The following COL24A1 variants were observed in gnomAD, a reference collection of about 807,000 sequenced individuals.
COL24A1 encodes the protein collagen type XXIV alpha 1 chain, also known as collagen alpha-1(XXIV) chain.
Under a neutral mutation model 253.9 loss-of-function variants are expected in COL24A1, and 224 were observed. The ratio of observed to expected loss-of-function variants is 0.88; its 90% CI spans 0.79 to 0.99. COL24A1 has a LOEUF of 0.99. COL24A1 is among the 50% of genes least tolerant of loss of function. COL24A1 has a pLI of 0.00. For missense variants in COL24A1, 2,131 were observed against 2,068.5 expected (o/e 1.03, Z -0.59); for synonymous variants, 685 against 673.7 (o/e 1.02, Z -0.26).
At chr1:85,832,774 T>A (rs1303790232) in intron 43 of COL24A1, among the ~76,000 whole-genome samples, 18 of 150,934 alleles carry the variant, frequency 1.2e-4, no homozygotes, top group African/African-American at 4.2e-4. Context: ...GCACATTGAT[T>A]TTGTATCCTG....
chr1:86,076,473 AT>A (rs1371900232), intron 7 of COL24A1, among the ~76,000 whole-genome samples: 1 of 152,212 alleles, frequency 6.6e-6, no homozygotes, highest in Non-Finnish European at 1.5e-5. Context: ...GTCCCAAGTA[AT>A]TTATAGATTC....
At chr1:85,770,918 T>C (rs1001353215) in intron 53 of COL24A1, among the ~76,000 whole-genome samples, 10 of 152,320 alleles carry the variant, frequency 6.6e-5, no homozygotes, top group Admixed American at 3.9e-4. Context: ...ATAGTGGGTA[T>C]ATGCCTAAAG....
chr1:85,870,720 C>T (rs1680366017), intron 35 of COL24A1, among the ~76,000 whole-genome samples: 2 of 152,182 alleles, frequency 1.3e-5, no homozygotes, highest in Admixed American at 6.5e-5. Flanking sequence ...AAAGTTATAG[C>T]ACTAAATGCT....
intron 50 of COL24A1, among the ~76,000 whole-genome samples, 189 bp from the exon 51 acceptor site, chr1:85,783,747 G>A (rs925800445): frequency 6.6e-6 from 1 of 152,168 alleles, no homozygotes; most frequent in East Asian, 1.9e-4. Context: ...TGAAGGGAGA[G>A]AGGGATACGT....
rs930144613 is a variant in COL24A1, at chr1:85,887,580, T to G, written c.2976+1980A>C. Among the ~76,000 whole-genome samples, 5 of 152,102 alleles carry G rather than the reference T, an allele frequency of 3.3e-5. No homozygotes were observed. In the East Asian group the frequency reaches 9.6e-4, roughly 29 times the overall value. Reference sequence around the variant, plus strand: ...TGCTGTTATAGTATGAAAGCAGCCATCCATACATAAGGGAATCGTTGTGGC... The same window carrying G: ...TGCTGTTATAGTATGAAAGCAGCCAGCCATACATAAGGGAATCGTTGTGGC... On this transcript the variant is annotated intron_variant, in intron 32 of 59. Coordinates refer to ENST00000370571, the MANE Select transcript of COL24A1 (RefSeq NM_152890.7).
At chr1:86,055,897 CAGATCACA>C (rs1700627127) in intron 10 of COL24A1, among the ~76,000 whole-genome samples, 1 of 152,002 alleles carries the variant, frequency 6.6e-6, no homozygotes. Context: ...CTGAGGCAGG[CAGATCACA>C]AGGTCAGGAG....
chr1:85,872,122 G>A lies in COL24A1; in HGVS notation c.3138+2527C>T, dbSNP rs558362493. Among the ~76,000 whole-genome samples, 31 of 152,188 alleles carry A rather than the reference G, an allele frequency of 2.0e-4. 1 individual carries two copies. The South Asian group carries it at 6.2e-3, about 31-fold the overall frequency. ...GCTTCAAAGAGAATAAAATACCTAG[G>A]AATCCAGCTTACAAGGGATGTGAAG... On this transcript the variant is annotated intron_variant, in intron 35 of 59. Coordinates refer to ENST00000370571, the MANE Select transcript of COL24A1 (RefSeq NM_152890.7).
intron 2 of COL24A1, among the ~76,000 whole-genome samples, chr1:86,135,864 A>G (rs773685530): frequency 5.3e-5 from 8 of 151,958 alleles, no homozygotes; most frequent in Non-Finnish European, 1.0e-4. Flanking sequence ...TCCTTATTGT[A>G]TATTTCTACT....
intron 55 of COL24A1, among the ~76,000 whole-genome samples, chr1:85,746,562 A>G (rs903650173): frequency 1.3e-5 from 2 of 152,214 alleles, no homozygotes; most frequent in Non-Finnish European, 2.9e-5. Context: ...CTATGAAAGA[A>G]AAGTGCACGA....
intron 55 of COL24A1, among the ~76,000 whole-genome samples, chr1:85,755,545 A>G (rs967618925): frequency 2.6e-5 from 4 of 152,186 alleles, no homozygotes; most frequent in Admixed American, 2.0e-4. Flanking sequence ...AGAATGAAAT[A>G]TAATAGAGAG....
chr1:86,057,947 C>A lies in COL24A1; in HGVS notation c.1835G>T (p.Gly612Val), dbSNP rs1700780483. 1 of 1,613,010 alleles carries A rather than the reference C, an allele frequency of 6.2e-7. No homozygotes were observed. Among genetic ancestry groups the A allele is most frequent in the Non-Finnish European group, 8.5e-7 (1 of 1,179,392 alleles). ...CCTACTTACTTGTGCACCTTTAGGA[C>A]CTGGATTACCTTCTGGTCCAGCTAA... ...QGLAGPEGNP[G>V]PKGAQGFIGS... Residue 612 changes from glycine to valine, a missense_variant, in exon 10 of 60, where the codon GGT becomes GTT. By Grantham distance (109) the Gly-to-Val change is moderately radical. Transcript: ENST00000370571.
Position 85,823,574 on chromosome 1 carries a change from G to C in COL24A1, c.3751C>G (p.Gln1251Glu). 6.2e-7 allele frequency: 1 copy of C among 1,613,778 alleles called. No individual in the cohort carries two copies. Among genetic ancestry groups the C allele is most frequent in the South Asian group, 1.1e-5 (1 of 91,068 alleles). The change falls in exon 45 of 60, where the codon CAG becomes GAG. Residue 1251 changes from glutamine (Q) to glutamate (E), a missense_variant. Physicochemically the swap from Gln to Glu is conservative, Grantham distance 29. Coordinates refer to ENST00000370571, the MANE Select transcript of COL24A1 (RefSeq NM_152890.7). ...QQGPPGEPGD[Q>E]GEQGLKGERG... The stretch of plus-strand genomic sequence containing the variant: ...TCTCCTTTTAGTCCTTGTTCACCCT[G>C]GTCACCTGGTTCGCCCTTTAGTAGA...
chr1:85,834,571 C>T (rs1285403792), intron 43 of COL24A1, among the ~76,000 whole-genome samples: 2 of 152,092 alleles, frequency 1.3e-5, no homozygotes, highest in African/African-American at 4.8e-5. Context: ...TTAGTTATTT[C>T]ATTGTGTGTA....
intron 6 of COL24A1, among the ~76,000 whole-genome samples, chr1:86,090,180 T>C (rs1703394969): frequency 6.6e-6 from 1 of 152,166 alleles, no homozygotes. Context: ...ATTACTCTGA[T>C]AGAAGGAAGA....
chr1:85,803,914 T>C (rs141529644), intron 47 of COL24A1, among the ~76,000 whole-genome samples: 20 of 152,330 alleles, frequency 1.3e-4, no homozygotes, highest in South Asian at 4.1e-4. Flanking sequence ...CAGTACAATA[T>C]TGAATATGTC....
At chr1:85,766,278 G>T (rs889378827) in intron 53 of COL24A1, among the ~76,000 whole-genome samples, 1 of 148,916 alleles carries the variant, frequency 6.7e-6, no homozygotes, top group African/African-American at 2.5e-5. Context: ...GCTGAAGCAC[G>T]GGAATCACTT....
At chr1:86,070,172 A>G (rs1228969124) in intron 7 of COL24A1, among the ~76,000 whole-genome samples, 1 of 152,248 alleles carries the variant, frequency 6.6e-6, no homozygotes, top group East Asian at 1.9e-4. Context: ...CACAGTTGAA[A>G]AATACAACTG....
At chr1:85,889,216 T>A (rs555504285) in intron 32 of COL24A1, among the ~76,000 whole-genome samples, 64 of 152,204 alleles carry the variant, frequency 4.2e-4, no homozygotes, top group African/African-American at 1.5e-3. Flanking sequence ...TTATAGAAAT[T>A]GCCTCATAAA....
At position 86,050,119 on chromosome 1, in the gene COL24A1, C is replaced by T; in HGVS notation, c.1905+5G>A. 1 of 1,612,460 alleles carries T rather than the reference C, an allele frequency of 6.2e-7. No individual in the cohort carries two copies. The highest frequency in any genetic ancestry group is 1.1e-5 in the South Asian group (1 of 91,012). On this transcript the variant is annotated splice_donor_5th_base_variant and intron_variant, in intron 11 of 59. Coordinates refer to ENST00000370571, the MANE Select transcript of COL24A1 (RefSeq NM_152890.7). ...AGAAATACTATTTGAAGGGAATGGA[C>T]TTACCCGTTCTCCTTCAGGTCCCAG...
Sources: gnomAD v4.1 joint callset for allele counts (sites outside exome capture counted in the v4.1 genomes callset) on GRCh38, gnomAD v4.1.1 for gene constraint, MANE v1.5 for transcripts, NCBI Gene and HGNC (gene_info 2026-07-23, HGNC 2026-07-21) for gene names.